The following ATAD2B variants were observed in gnomAD, a reference collection of about 807,000 sequenced individuals.
ATAD2B encodes the protein ATPase family AAA domain containing 2B, also known as ATPase family AAA domain-containing protein 2B.
A neutral mutation model predicts 167.6 loss-of-function variants in ATAD2B; 40 were observed. That is an observed-to-expected ratio of 0.24 (90% confidence interval 0.19 to 0.31). The LOEUF (loss-of-function observed/expected upper bound fraction) is 0.31. Ranked by LOEUF, ATAD2B falls within the 10% of genes least tolerant of loss-of-function variation. The pLI is 1.00. For synonymous variants in ATAD2B, 579 were observed against 596.5 expected (o/e 0.97, Z 0.43); for missense variants, 1,242 against 1,757.2 (o/e 0.71, Z 5.24).
chr2:23,840,654 T>G (rs1000152987), intron 13 of ATAD2B, among the ~76,000 whole-genome samples: 2 of 152,204 alleles, frequency 1.3e-5, no homozygotes, highest in Admixed American at 1.3e-4. Flanking sequence ...ATAAATATGG[T>G]ATATGTTTGA....
At position 23,754,262 on chromosome 2, in the gene ATAD2B, C is replaced by G; in HGVS notation, c.4252G>C (p.Asp1418His). The G allele has an allele frequency of 6.4e-7, 1 of 1,567,222 alleles. No homozygotes were observed. The stretch of plus-strand genomic sequence containing the variant: ...AGAGAATATAATCTCTCAAGCTGAT[C>G]AACTGCCAGATTGTTGCTTTTATCC... ...LVDKSNNLAV[D>H]QLERLYSLLS... Residue 1418 changes from aspartate to histidine, a missense_variant, in exon 27 of 28, where the codon GAT becomes CAT. Asp to His is a moderately conservative substitution (Grantham distance 81). Coordinates refer to ENST00000238789, the MANE Select transcript of ATAD2B (RefSeq NM_017552.4).
At chr2:23,710,730 G>A in the ATAD2B span, among the ~76,000 whole-genome samples, 1 of 152,158 alleles carries the variant, frequency 6.6e-6, no homozygotes, top group Non-Finnish European at 1.5e-5. Flanking sequence ...ACAATACAGT[G>A]TAACAACCAG....
intron 13 of ATAD2B, among the ~76,000 whole-genome samples, chr2:23,855,679 A>T: frequency 6.6e-6 from 1 of 152,216 alleles, no homozygotes; most frequent in East Asian, 1.9e-4. Context: ...GCTTGAGACT[A>T]GGTGTCAGAA....
At chr2:23,728,523 T>C in the ATAD2B span, among the ~76,000 whole-genome samples, 1 of 152,100 alleles carries the variant, frequency 6.6e-6, no homozygotes. Context: ...AAACCTAACA[T>C]GAACTAAAAC....
the ATAD2B span, chr2:23,703,953 C>T: frequency 1.5e-6 from 2 of 1,377,044 alleles, no homozygotes; most frequent in East Asian, 2.5e-5. Context: ...CATCAGTGAC[C>T]ATAGCAATTC....
intron 17 of ATAD2B, among the ~76,000 whole-genome samples, chr2:23,818,149 G>C (rs1478786881): frequency 7.2e-6 from 1 of 139,270 alleles, no homozygotes. Context: ...CACAGAGAGA[G>C]AGAAGGAGGG....
chr2:23,872,148 T>C (rs1023591627), intron 8 of ATAD2B: 4 of 282,216 alleles, frequency 1.4e-5, no homozygotes, highest in African/African-American at 8.8e-5. Flanking sequence ...ACTGCTGGGA[T>C]TACAGGCATG....
intron 1 of ATAD2B, among the ~76,000 whole-genome samples, chr2:23,913,079 T>C (rs1404949221): frequency 2.0e-5 from 3 of 152,224 alleles, no homozygotes; most frequent in African/African-American, 7.2e-5. Flanking sequence ...TAAGTTCACA[T>C]TATAACCCAT....
the ATAD2B span, among the ~76,000 whole-genome samples, chr2:23,725,316 A>G: frequency 4.6e-5 from 7 of 152,354 alleles, no homozygotes; most frequent in South Asian, 1.2e-3. Context: ...ATGCTAAAGG[A>G]AATTCTTTAG....
Position 23,762,265 on chromosome 2 carries a change from C to T in ATAD2B, c.3338G>A (p.Arg1113Gln), listed in dbSNP as rs1172052793. The change falls in exon 24 of 28, where the codon CGG becomes CAG. Residue 1113 changes from arginine to glutamine, a missense_variant. By Grantham distance (43) the Arg-to-Gln change is conservative. Transcript: ENST00000238789. Reference protein sequence around the residue: ...KTETRVEEAFRHKQRNPMDVW... With the variant: ...KTETRVEEAFQHKQRNPMDVW... ...ATCCATTGGATTTCTTTGTTTGTGC[C>T]GAAATGCCTCTTCGACTCTAGTTTC... 6.2e-6 allele frequency: 10 copies of T among 1,613,376 alleles called. No homozygotes were observed. The highest frequency in any genetic ancestry group is 3.3e-5 in the Admixed American group (2 of 59,976).
chr2:23,806,642 C>T (rs981544281), intron 18 of ATAD2B, among the ~76,000 whole-genome samples: 2 of 152,112 alleles, frequency 1.3e-5, no homozygotes, highest in East Asian at 1.9e-4. Context: ...TTAATTTATA[C>T]ATTAATTTAG....
downstream of ATAD2B, among the ~76,000 whole-genome samples, chr2:23,745,308 A>C (rs994709368): frequency 3.3e-5 from 5 of 151,698 alleles, no homozygotes; most frequent in Middle Eastern, 3.4e-3. Flanking sequence ...CACGCACGCA[A>C]GAAAGAAAGC....
At chr2:23,859,481 G>T (rs984733843) in intron 12 of ATAD2B, among the ~76,000 whole-genome samples, 3 of 148,682 alleles carry the variant, frequency 2.0e-5, no homozygotes, top group Non-Finnish European at 3.1e-5. Flanking sequence ...GCTAATTTTT[G>T]TATTTTTATA....
intron 1 of ATAD2B, among the ~76,000 whole-genome samples, chr2:23,920,665 G>GTA (rs1186573342): frequency 6.6e-6 from 1 of 151,856 alleles, no homozygotes; most frequent in Non-Finnish European, 1.5e-5. Flanking sequence ...TTAGCCAAAG[G>GTA]TATATATCCT....
In ATAD2B at chr2:23,754,319, C is replaced by A; in HGVS notation, c.4207-12G>T. 6.5e-7 allele frequency: 1 copy of A among 1,537,506 alleles called. No individual in the cohort carries two copies. Among genetic ancestry groups the A allele is most frequent in the Non-Finnish European group, 8.7e-7 (1 of 1,143,610 alleles). On this transcript the variant is annotated splice_polypyrimidine_tract_variant and intron_variant, in intron 26 of 27. Transcript: ENST00000238789. ...AAATCAAGCAATTTCTAAGAAAAAA[C>A]AGAAAAGAATAAAATGTAATTTGAT...
the ATAD2B span, among the ~76,000 whole-genome samples, chr2:23,678,952 T>G: frequency 1.2e-3 from 182 of 152,038 alleles, 3 homozygotes; most frequent in East Asian, 0.033. Context: ...GAGTTTCCGT[T>G]TGTGAAGATG....
Position 23,757,875 on chromosome 2 carries a change from T to C in ATAD2B, c.3621A>G (p.Glu1207=). 2 of 1,596,074 alleles carry C rather than the reference T, an allele frequency of 1.3e-6. No individual in the cohort carries two copies. The highest frequency in any genetic ancestry group is 1.4e-5 in the African/African-American group (1 of 73,670). The part of the protein sequence containing the change: ...ETGDLSMTND[E]SSCDIMDLDQ... ...CCAAGTCCATGATGTCACAGGATGA[T>C]TCATCATTGGTCATAGATAAGTCTC... Residue 1207 remains glutamate, a synonymous_variant, in exon 25 of 28, where the codon GAA becomes GAG. Coordinates refer to ENST00000238789, the MANE Select transcript of ATAD2B (RefSeq NM_017552.4).
At chr2:23,775,217 G>GTTT (rs201108358) in intron 22 of ATAD2B, among the ~76,000 whole-genome samples, 4 of 144,362 alleles carry the variant, frequency 2.8e-5, no homozygotes, top group Non-Finnish European at 3.1e-5. Context: ...ATTTTTTTAT[G>GTTT]TTTTATTTTT....
At chr2:23,808,156 AT>A (rs1202275239) in intron 18 of ATAD2B, among the ~76,000 whole-genome samples, 41 of 73,232 alleles carry the variant, frequency 5.6e-4, no homozygotes, top group Non-Finnish European at 9.9e-4. Context: ...ATTATATGTT[AT>A]TTATATATAA....
Sources: allele counts gnomAD v4.1 joint callset (sites outside exome capture counted in the v4.1 genomes callset), GRCh38; gene constraint gnomAD v4.1.1; transcripts MANE v1.5; gene names NCBI Gene and HGNC (gene_info 2026-07-23, HGNC 2026-07-21).